MYH9: variants seen among roughly 807,000 people sequenced by gnomAD.
The protein encoded by MYH9 is myosin-9.
MYH9 carries 29 observed loss-of-function variants against 241.9 expected under a neutral mutation model. The ratio of observed to expected loss-of-function variants is 0.12; its 90% confidence interval spans 0.09 to 0.16. MYH9 has a LOEUF of 0.16. Among genes scored for constraint, MYH9 ranks in the 10% least tolerant of loss-of-function variants. The probability of loss-of-function intolerance (pLI) is 1.00; values close to 1 mark genes in which losing one functional copy is unlikely to be tolerated. For synonymous variants in MYH9, 1,047 were observed against 1,062.6 expected (o/e 0.99, Z 0.29); for missense variants, 1,803 against 2,595.5 (o/e 0.69, Z 6.63).
Position 36,282,609 on chromosome 22 carries a change from G to C in MYH9, c.*59C>G. On this transcript the variant is annotated 3_prime_UTR_variant, in exon 41 of 41. Transcript: ENST00000216181. ...TGGGGAGAGGCGTGCTGCGGGGTCT[G>C]GGAAGGGGAGGCTGTGGTGTCTGTC... 1 of 1,512,838 alleles carries C rather than the reference G, an allele frequency of 6.6e-7. No individual in the cohort carries two copies. Among genetic ancestry groups the C allele is most frequent in the Non-Finnish European group, 9.2e-7 (1 of 1,090,992 alleles). The allele number at this position is 1,512,838 out of a possible 1,614,324, so 93.7% of individuals were successfully genotyped here.
intron 1 of MYH9, among the ~76,000 whole-genome samples, chr22:36,351,015 A>G (rs570357543): frequency 1.2e-4 from 18 of 152,226 alleles, no homozygotes; most frequent in Non-Finnish European, 2.2e-4. Context: ...TTGTGCTTCC[A>G]GATTCCAAGA....
At position 36,305,920 on chromosome 22, in the gene MYH9, C is replaced by T. The variant is rs1350778480; in HGVS notation, c.2159+10G>A. On this transcript the variant is annotated intron_variant, in intron 17 of 40. Transcript: ENST00000216181. The surrounding 1 kb of genome is among the most constrained non-coding windows in gnomAD (Gnocchi z 4.7). ...GGCCCAGGAGAAGCGGGCTCCGGGC[C>T]CTGGCTCACCTCTGCCGAAACTCCT... 1.2e-6 allele frequency: 2 copies of T among 1,612,732 alleles called. No homozygotes were observed. Among genetic ancestry groups the T allele is most frequent in the African/African-American group, 2.7e-5 (2 of 74,916 alleles).
chr22:36,314,290 T>C lies in MYH9; in HGVS notation c.1409A>G (p.Asn470Ser), dbSNP rs751720764. ...DLNSFEQLCI[N>S]YTNEKLQQLF... Reference sequence around the variant, plus strand: ...CTGCTGCAGCTTCTCATTGGTGTAATTGATGCACAGCTGCTCAAACGAGTT... The same window carrying C: ...CTGCTGCAGCTTCTCATTGGTGTAACTGATGCACAGCTGCTCAAACGAGTT... Residue 470 changes from asparagine (N) to serine (S), a missense_variant, in exon 13 of 41, where the codon AAT becomes AGT. Asn to Ser is a conservative substitution (Grantham distance 46). This residue lies in a region of MYH9 where 8 missense variants were observed against 46.8 expected (regional missense o/e 0.17). Transcript: ENST00000216181. 9 of 1,614,154 alleles carry C rather than the reference T, an allele frequency of 5.6e-6. No homozygotes were observed. Among genetic ancestry groups the C allele is most frequent in the Admixed American group, 1.7e-5 (1 of 60,018 alleles).
chr22:36,287,427 G>A (rs1450775909), intron 34 of MYH9, among the ~76,000 whole-genome samples: 2 of 152,000 alleles, frequency 1.3e-5, no homozygotes, highest in Non-Finnish European at 2.9e-5. Flanking sequence ...TAAAGTTTTT[G>A]TGGGTTTTTT....
chr22:36,302,127 G>A (rs887999848), intron 20 of MYH9, among the ~76,000 whole-genome samples: 3 of 152,204 alleles, frequency 2.0e-5, no homozygotes, highest in Non-Finnish European at 4.4e-5. Context: ...GAGAAAAAGA[G>A]CGAGAAATTA....
intron 6 of MYH9, 188 bp from the exon 7 acceptor site, chr22:36,322,009 A>T: frequency 4.7e-6 from 3 of 643,514 alleles, no homozygotes; most frequent in Non-Finnish European, 8.4e-6. Context: ...CTCGGGACTC[A>T]GGCGCCACAC....
chr22:36,367,275 G>A (rs999365617), intron 1 of MYH9, among the ~76,000 whole-genome samples: 2 of 152,170 alleles, frequency 1.3e-5, no homozygotes, highest in Non-Finnish European at 2.9e-5. Flanking sequence ...CACGTGGCAC[G>A]GGAGGGAGGC....
intron 1 of MYH9, among the ~76,000 whole-genome samples, chr22:36,353,510 A>G (rs2017805328): frequency 6.6e-6 from 1 of 151,810 alleles, no homozygotes; most frequent in Admixed American, 6.6e-5. Flanking sequence ...ACAGGCGCCC[A>G]CCACCACAGC....
chr22:36,282,552 G>C lies in MYH9; in HGVS notation c.*116C>G. 1 of 976,338 alleles carries C rather than the reference G, an allele frequency of 1.0e-6. No homozygotes were observed. The highest frequency in any genetic ancestry group is 1.7e-5 in the Admixed American group (1 of 59,278). 60.5% of individuals were successfully genotyped at this position (976,338 alleles called of 1,614,324 possible). On this transcript the variant is annotated 3_prime_UTR_variant, in exon 41 of 41. Transcript: ENST00000216181. ...GATGGGGGGACGGGGCGGAGGGCAG[G>C]AGGAGGCATGTTCACAGCAGTCCCA...
intron 1 of MYH9, among the ~76,000 whole-genome samples, chr22:36,377,465 T>C (rs151239430): frequency 5.7e-4 from 86 of 152,190 alleles, no homozygotes; most frequent in African/African-American, 1.8e-3. Flanking sequence ...ATGAGATGAA[T>C]TGAACTGTAT....
At position 36,295,341 on chromosome 22, in the gene MYH9, T is replaced by C. The variant is rs1411249662; in HGVS notation, c.3485+164A>G. On this transcript the variant is annotated intron_variant, in intron 26 of 40. Coordinates refer to ENST00000216181, the MANE Select transcript of MYH9 (RefSeq NM_002473.6). The surrounding 1 kb of genome is among the most constrained non-coding windows in gnomAD (Gnocchi z 4.1). ...GTCCTTCAACAGACTTTCTACTCTG[T>C]AGAGAGAAACCGCTGAGGAACCAGC... Among the ~76,000 whole-genome samples, 1 of 152,052 alleles carries C rather than the reference T, an allele frequency of 6.6e-6. No individual in the cohort carries two copies. Among genetic ancestry groups the C allele is most frequent in the Non-Finnish European group, 1.5e-5 (1 of 67,996 alleles).
At chr22:36,327,256 G>A (rs1341675151) in intron 4 of MYH9, among the ~76,000 whole-genome samples, 1 of 152,164 alleles carries the variant, frequency 6.6e-6, no homozygotes, top group African/African-American at 2.4e-5. Context: ...GAGGAAGGAT[G>A]ATTGAAATTG....
intron 19 of MYH9, among the ~76,000 whole-genome samples, chr22:36,303,644 C>G (rs552208462): frequency 6.6e-6 from 1 of 151,742 alleles, no homozygotes; most frequent in African/African-American, 2.4e-5. Context: ...ATTAGCTGGG[C>G]GTGGTGGCGT....
chr22:36,327,163 G>A (rs549894307), intron 4 of MYH9, among the ~76,000 whole-genome samples: 2 of 152,346 alleles, frequency 1.3e-5, no homozygotes, highest in South Asian at 4.1e-4. Context: ...AAGTTACGGA[G>A]GAGCTGGTTC....
At chr22:36,286,616 G>A (rs1255550045) in intron 35 of MYH9, 102 bp downstream of exon 35, 4 of 1,542,812 alleles carry the variant, frequency 2.6e-6, no homozygotes, top group Non-Finnish European at 3.5e-6. Flanking sequence ...GCCAATTCCT[G>A]GAGCCCAGTA....
At chr22:36,317,362 A>G (rs758239225) in intron 11 of MYH9, among the ~76,000 whole-genome samples, 10 of 151,964 alleles carry the variant, frequency 6.6e-5, no homozygotes, top group Non-Finnish European at 1.2e-4. Context: ...CATCACTGGG[A>G]ATTGTTTTCC....
At chr22:36,378,106 C>T (rs2018199513) in intron 1 of MYH9, among the ~76,000 whole-genome samples, 1 of 149,106 alleles carries the variant, frequency 6.7e-6, no homozygotes, top group South Asian at 2.1e-4. Context: ...AAAACCCTGT[C>T]TCTACAAAAA....
intron 1 of MYH9, among the ~76,000 whole-genome samples, chr22:36,359,941 C>G (rs2017911275): frequency 6.6e-6 from 1 of 152,130 alleles, no homozygotes; most frequent in Admixed American, 6.6e-5. Flanking sequence ...CCAGACAGAC[C>G]TGGATTGGAG....
rs182201581 is a variant in MYH9, at chr22:36,307,355, G to C, written c.1844-748C>G. On this transcript the variant is annotated intron_variant, in intron 15 of 40. Transcript: ENST00000216181. ...CAATTAAACCAATTGCATCCTCCAAGGTAAAAAACAAACAAACAAGCCAAA... is the reference window on the plus strand; with the variant it reads ...CAATTAAACCAATTGCATCCTCCAACGTAAAAAACAAACAAACAAGCCAAA... Among the ~76,000 whole-genome samples, 250 of 152,160 alleles carry C rather than the reference G, an allele frequency of 1.6e-3. 2 individuals are homozygous for C. The highest frequency in any genetic ancestry group is 5.8e-3 in the African/African-American group (242 of 41,502).
Sources: allele counts gnomAD v4.1 joint callset (sites outside exome capture counted in the v4.1 genomes callset), GRCh38; gene constraint gnomAD v4.1.1; regional missense constraint gnomAD v4.1.1; non-coding constraint Gnocchi (gnomAD v3.1); transcripts MANE v1.5; gene names NCBI Gene and HGNC (gene_info 2026-07-23, HGNC 2026-07-21).